The following GPATCH2L variants were observed in gnomAD, a reference collection of about 807,000 sequenced individuals.
GPATCH2L encodes the protein G patch domain-containing protein 2-like.
GPATCH2L carries 31 observed loss-of-function variants against 57.4 expected under a neutral mutation model. That is an observed-to-expected ratio of 0.54 (90% CI 0.41 to 0.73). The LOEUF (loss-of-function observed/expected upper bound fraction) is 0.73. Among genes scored for constraint, GPATCH2L ranks in the 30% least tolerant of loss-of-function variants. The pLI is 0.00. For missense variants in GPATCH2L, 481 were observed against 599.9 expected, an observed-to-expected ratio of 0.80 and a Z score of 2.07; for synonymous variants, 199 against 210.7, an observed-to-expected ratio of 0.94 and a Z score of 0.48.
At chr14:76,191,259 GGTT>G (rs1465541522) in intron 8 of GPATCH2L, among the ~76,000 whole-genome samples, 1 of 152,082 alleles carries the variant, frequency 6.6e-6, no homozygotes, top group African/African-American at 2.4e-5. Flanking sequence ...GGAGTCAAGT[GGTT>G]GTTAAGTACC....
At position 76,202,474 on chromosome 14, in the gene GPATCH2L, C is replaced by T. The variant is rs1439288737; in HGVS notation, c.*623C>T. 6.6e-6 allele frequency: 1 copy of T among 152,548 alleles called. No individual in the cohort carries two copies. The highest frequency in any genetic ancestry group is 1.5e-5 in the Non-Finnish European group (1 of 68,094). The allele number at this position is 152,548 out of a possible 1,614,324, so 9.4% of individuals were successfully genotyped here. A position where few individuals can be genotyped will look rare whatever the true frequency, so the allele number is the denominator to read the frequency against. ...AACTCAGACAGCTCATCAGCAGCAG[C>T]AGCTGTATTGTATTTTACCTCATCT... is the stretch of plus-strand genomic sequence containing the variant. On this transcript the variant is annotated 3_prime_UTR_variant, in exon 10 of 10. Coordinates refer to ENST00000261530, the MANE Select transcript of GPATCH2L (RefSeq NM_017926.4).
intron 2 of GPATCH2L, among the ~76,000 whole-genome samples, chr14:76,235,505 C>T (rs939191015): frequency 3.3e-5 from 5 of 152,186 alleles, no homozygotes; most frequent in African/African-American, 7.2e-5. Flanking sequence ...TGAGGCTTCC[C>T]CAGCCATGTG....
At chr14:76,193,730 T>C (rs2040059067) in intron 8 of GPATCH2L, among the ~76,000 whole-genome samples, 1 of 152,178 alleles carries the variant, frequency 6.6e-6, no homozygotes. Context: ...CATCCTGATG[T>C]CTAACAGTAA....
downstream of GPATCH2L, among the ~76,000 whole-genome samples, chr14:76,217,457 T>C (rs929373231): frequency 7.2e-5 from 11 of 151,898 alleles, no homozygotes; most frequent in African/African-American, 2.4e-5. Context: ...CCCCACTCCT[T>C]TGGTAGAAGG....
chr14:76,184,355 G>T (rs2039690875), intron 8 of GPATCH2L, among the ~76,000 whole-genome samples: 1 of 152,018 alleles, frequency 6.6e-6, no homozygotes, highest in East Asian at 1.9e-4. Flanking sequence ...AACTATGAAG[G>T]TTCCCTCCTG....
intron 2 of GPATCH2L, among the ~76,000 whole-genome samples, chr14:76,160,298 G>A (rs1416666633): frequency 2.0e-5 from 3 of 152,208 alleles, no homozygotes; most frequent in Admixed American, 6.5e-5. Flanking sequence ...GCAGGGGCTT[G>A]CTATCTACCT....
chr14:76,154,896 C>T lies in GPATCH2L; in HGVS notation c.533C>T (p.Thr178Ile). The T allele has an allele frequency of 6.2e-7, 1 of 1,614,162 alleles. No individual in the cohort carries two copies. The highest frequency in any genetic ancestry group is 2.2e-5 in the East Asian group (1 of 44,884). ...LSRWKENTPW[T>I]SSGHGLCESA... Reference sequence around the variant, plus strand: ...CGCTGGAAGGAGAATACTCCCTGGACCTCATCAGGCCACGGATTGTGTGAA... The same window carrying T: ...CGCTGGAAGGAGAATACTCCCTGGATCTCATCAGGCCACGGATTGTGTGAA... Residue 178 changes from threonine (T) to isoleucine (I), a missense_variant, in exon 2 of 10, where the codon ACC (threonine) becomes ATC (isoleucine). Physicochemically the swap from Thr to Ile is moderately conservative, Grantham distance 89. Coordinates refer to ENST00000261530, the MANE Select transcript of GPATCH2L (RefSeq NM_017926.4). This position sits in a 1 kb window ranked among gnomAD's most constrained non-coding sequence, Gnocchi z 4.4.
At chr14:76,183,454 C>A (rs1230137112) in intron 8 of GPATCH2L, among the ~76,000 whole-genome samples, 1 of 152,090 alleles carries the variant, frequency 6.6e-6, no homozygotes, top group Non-Finnish European at 1.5e-5. Context: ...TTTAAACTTA[C>A]ATTTATTTAT....
chr14:76,231,622 T>TACAC (rs60488808), intron 2 of GPATCH2L, among the ~76,000 whole-genome samples: 25,438 of 147,056 alleles, frequency 0.17, 2,126 homozygotes, highest in Middle Eastern at 0.28. Flanking sequence ...ACTAAACACA[T>TACAC]ACACACACAC....
chr14:76,171,370 T>TC (rs2039075759), intron 3 of GPATCH2L, among the ~76,000 whole-genome samples: 1 of 149,468 alleles, frequency 6.7e-6, no homozygotes, highest in Non-Finnish European at 1.5e-5. Context: ...AGGTCAGGAG[T>TC]CCAAGACCAG....
chr14:76,178,550 A>G (rs74444088), intron 7 of GPATCH2L: 38,359 of 197,352 alleles, frequency 0.19, 4,177 homozygotes, highest in African/African-American at 0.3. Context: ...AACTGGTCAT[A>G]ATGTAGCTTG....
intron 1 of GPATCH2L, among the ~76,000 whole-genome samples, chr14:76,224,586 AT>A (rs1284800086): frequency 1.3e-5 from 2 of 152,184 alleles, no homozygotes; most frequent in African/African-American, 4.8e-5. Context: ...AGGAAATATC[AT>A]AGTTAATAGT....
At chr14:76,170,792 T>G (rs887489696) in intron 3 of GPATCH2L, 1 of 152,138 alleles carries the variant, frequency 6.6e-6, no homozygotes, top group Non-Finnish European at 1.5e-5. Context: ...CCACTGAGAA[T>G]GGTATAGGGG....
intron 2 of GPATCH2L, among the ~76,000 whole-genome samples, chr14:76,158,988 T>C (rs1036208838): frequency 1.3e-5 from 2 of 152,166 alleles, no homozygotes; most frequent in Non-Finnish European, 2.9e-5. Context: ...GGATAGAGAG[T>C]ACAGAGTGTT....
intron 1 of GPATCH2L, among the ~76,000 whole-genome samples, chr14:76,228,571 T>C (rs1405635341): frequency 6.6e-6 from 1 of 152,172 alleles, no homozygotes; most frequent in African/African-American, 2.4e-5. Flanking sequence ...TCAGCTGACT[T>C]AGTAGGCTCT....
At chr14:76,175,941 G>A (rs915879170) in intron 5 of GPATCH2L, 1 of 152,200 alleles carries the variant, frequency 6.6e-6, no homozygotes, top group African/African-American at 2.4e-5. Context: ...TAAATGAAGA[G>A]TGAATTGCCG....
At chr14:76,192,916 G>T (rs1033359575) in intron 8 of GPATCH2L, among the ~76,000 whole-genome samples, 1 of 152,056 alleles carries the variant, frequency 6.6e-6, no homozygotes, top group Non-Finnish European at 1.5e-5. Context: ...GGTAGGAATG[G>T]GGTGGTAGAA....
intron 8 of GPATCH2L, among the ~76,000 whole-genome samples, chr14:76,193,863 T>C (rs1202631682): frequency 6.6e-6 from 1 of 152,208 alleles, no homozygotes; most frequent in Admixed American, 6.5e-5. Flanking sequence ...TGTTTGACTT[T>C]GTTTCTCCTT....
rs747690521 is a variant in GPATCH2L at position 76,154,378 on chromosome 14, A to G, written c.15A>G (p.Val5=). Reference sequence around the variant, plus strand: ...GATGTGGCCTCATGGATGAGCTGGTACACGACTTAGCCTCAGCCTTGGAGC... The same window carrying G: ...GATGTGGCCTCATGGATGAGCTGGTGCACGACTTAGCCTCAGCCTTGGAGC... MDEL[V]HDLASALEQT... Residue 5 remains valine, a synonymous_variant, in exon 2 of 10, where the codon GTA becomes GTG. Transcript: ENST00000261530. This position sits in a 1 kb window ranked among gnomAD's most constrained non-coding sequence, Gnocchi z 4.4. The G allele has an allele frequency of 1.3e-6, 2 of 1,596,836 alleles. No individual in the cohort carries two copies. The highest frequency in any genetic ancestry group is 1.7e-6 in the Non-Finnish European group (2 of 1,165,866).
Sources: allele counts gnomAD v4.1 joint callset (sites outside exome capture counted in the v4.1 genomes callset), GRCh38; gene constraint gnomAD v4.1.1; non-coding constraint Gnocchi (gnomAD v3.1); transcripts MANE v1.5; gene names NCBI Gene and HGNC (gene_info 2026-07-23, HGNC 2026-07-21).